DOCK2: variants seen among roughly 807,000 people sequenced by gnomAD.
DOCK2 encodes the protein dedicator of cytokinesis protein 2.
Under a neutral mutation model 248.9 loss-of-function variants are expected in DOCK2, and 87 were observed. That is an observed-to-expected ratio of 0.35 (90% CI 0.29 to 0.42). DOCK2 has a LOEUF of 0.42. Among genes scored for constraint, DOCK2 ranks in the 10% least tolerant of loss-of-function variants. The pLI, the probability that DOCK2 is intolerant of heterozygous loss-of-function variation, is 1.00. For missense variants in DOCK2, 1,747 were observed against 2,300.2 expected, an observed-to-expected ratio of 0.76 and a Z score of 4.92; for synonymous variants, 805 against 821.6, an observed-to-expected ratio of 0.98 and a Z score of 0.35.
intron 25 of DOCK2, among the ~76,000 whole-genome samples, chr5:169,777,873 G>A (rs1322247899): frequency 6.6e-6 from 1 of 152,206 alleles, no homozygotes; most frequent in Non-Finnish European, 1.5e-5. Flanking sequence ...GGTACAACTG[G>A]AAGTCAGGAG....
rs551529381 is a variant in DOCK2 at position 169,768,846 on chromosome 5, G to A, written c.2554+7221G>A. Among the ~76,000 whole-genome samples, 31 of 152,224 alleles carry A rather than the reference G, an allele frequency of 2.0e-4. No homozygotes were observed. In the South Asian group the frequency reaches 6.2e-3, roughly 31 times the overall value. On this transcript the variant is annotated intron_variant, in intron 25 of 51. Transcript: ENST00000520908. ...CAAAATTCAGTTCATTGCATATAGTGCCTGGAATACCTTCTACTGCCTCCC... is the reference window on the plus strand; with the variant it reads ...CAAAATTCAGTTCATTGCATATAGTACCTGGAATACCTTCTACTGCCTCCC...
rs760893067 is a variant in DOCK2 at position 170,034,474 on chromosome 5, C to T, written c.3543C>T (p.Leu1181=). Residue 1181 remains leucine, a synonymous_variant, in exon 35 of 52, where the codon CTC becomes CTT. Coordinates refer to ENST00000520908, the MANE Select transcript of DOCK2 (RefSeq NM_004946.3). ...ACTTCGTGAACCTGGTCAAAGGCCT[C>T]CTGGAGAAGCTGCTGGATTACCGGG... ...VENFVNLVKG[L]LEKLLDYRGV... 1.9e-6 allele frequency: 3 copies of T among 1,614,170 alleles called. No homozygotes were observed. In the Admixed American group the frequency reaches 5.0e-5, roughly 27 times the overall value.
At chr5:169,836,361 T>C (rs947027214) in intron 26 of DOCK2, among the ~76,000 whole-genome samples, 2 of 152,174 alleles carry the variant, frequency 1.3e-5, no homozygotes, top group Non-Finnish European at 2.9e-5. Context: ...AGGTAAATTT[T>C]CTCCAGAGTA....
chr5:169,855,609 G>C (rs1235935675), intron 27 of DOCK2, among the ~76,000 whole-genome samples: 1 of 152,212 alleles, frequency 6.6e-6, no homozygotes, highest in African/African-American at 2.4e-5. Context: ...GCAGCTGTGA[G>C]GGGGTGGAAA....
At chr5:169,891,153 C>T (rs1214229875) in intron 27 of DOCK2, among the ~76,000 whole-genome samples, 4 of 152,130 alleles carry the variant, frequency 2.6e-5, no homozygotes, top group Admixed American at 1.3e-4. Context: ...GATTCATTCT[C>T]ATCATCTGGC....
At chr5:169,871,878 A>G (rs1772000945) in intron 27 of DOCK2, among the ~76,000 whole-genome samples, 1 of 152,200 alleles carries the variant, frequency 6.6e-6, no homozygotes, top group Non-Finnish European at 1.5e-5. Flanking sequence ...GGGAGGCTGC[A>G]TACCCAAAAA....
intron 27 of DOCK2, among the ~76,000 whole-genome samples, chr5:169,870,571 T>C (rs1398172830): frequency 6.6e-6 from 1 of 152,088 alleles, no homozygotes; most frequent in Non-Finnish European, 1.5e-5. Context: ...CTGTGGGTTT[T>C]TTTCTTCTTT....
intron 9 of DOCK2, among the ~76,000 whole-genome samples, chr5:169,691,641 C>T (rs546734133): frequency 3.3e-5 from 5 of 151,988 alleles, no homozygotes; most frequent in Non-Finnish European, 7.4e-5. Context: ...GTTGAGGTGA[C>T]GTTTAAATTA....
intron 27 of DOCK2, among the ~76,000 whole-genome samples, chr5:169,890,769 A>G (rs1047784591): frequency 1.4e-4 from 21 of 152,204 alleles, no homozygotes; most frequent in Admixed American, 2.0e-4. Context: ...TCTTGTTCTC[A>G]TCTTTCTATA....
chr5:170,048,744 G>A (rs1006043604), intron 40 of DOCK2, among the ~76,000 whole-genome samples: 5 of 152,196 alleles, frequency 3.3e-5, no homozygotes, highest in African/African-American at 1.2e-4. Flanking sequence ...AACCTCAAGT[G>A]TCCCTGGAGC....
intron 2 of DOCK2, among the ~76,000 whole-genome samples, chr5:169,657,814 C>A (rs1758207539): frequency 6.6e-6 from 1 of 152,174 alleles, no homozygotes; most frequent in African/African-American, 2.4e-5. Flanking sequence ...AATGATTGGC[C>A]AGTCCACTGT....
chr5:169,865,012 C>T (rs138938074), intron 27 of DOCK2, among the ~76,000 whole-genome samples: 7 of 152,214 alleles, frequency 4.6e-5, no homozygotes, highest in Non-Finnish European at 1.5e-5. Context: ...CTATCATCAT[C>T]ATCATTAACA....
At chr5:169,957,950 GGAGTAGGGCGTCAGGA>G (rs1292706354) in intron 27 of DOCK2, among the ~76,000 whole-genome samples, 1 of 152,216 alleles carries the variant, frequency 6.6e-6, no homozygotes, top group African/African-American at 2.4e-5. Context: ...CCACTGCGAG[GGAGTAGGGCGTCAGGA>G]GAGGTCCTAC....
At chr5:169,810,054 G>T (rs261019) in intron 26 of DOCK2, among the ~76,000 whole-genome samples, 16,808 of 152,066 alleles carry the variant, frequency 0.11, 1,111 homozygotes, top group African/African-American at 0.17. Context: ...AGATCTTGCT[G>T]CTCTACCCCC....
At chr5:169,658,479 CA>C (rs5873187) in intron 2 of DOCK2, among the ~76,000 whole-genome samples, 5,172 of 75,814 alleles carry the variant, frequency 0.068, 59 homozygotes, top group African/African-American at 0.095. Context: ...GCCTCCGTCT[CA>C]AAAAAAAAAA....
At chr5:169,978,391 G>GT (rs1281745829) in intron 27 of DOCK2, among the ~76,000 whole-genome samples, 3 of 45,122 alleles carry the variant, frequency 6.6e-5, no homozygotes, top group African/African-American at 2.0e-4. Context: ...GTGTGTGTGT[G>GT]TGGGGGGGGG....
At chr5:169,810,981 T>TCACACACACACA (rs1246188439) in intron 26 of DOCK2, among the ~76,000 whole-genome samples, 149 of 142,116 alleles carry the variant, frequency 1.0e-3, no homozygotes, top group African/African-American at 3.8e-3. Flanking sequence ...ACTCTCTCTC[T>TCACACACACACA]CTCTCTCTCA....
At chr5:170,020,581 C>T (rs996439502) in intron 33 of DOCK2, among the ~76,000 whole-genome samples, 3 of 152,212 alleles carry the variant, frequency 2.0e-5, no homozygotes, top group Admixed American at 1.3e-4. Context: ...GTAACATTAT[C>T]TTATCTTACC....
intron 46 of DOCK2, among the ~76,000 whole-genome samples, chr5:170,069,724 C>T (rs973970246): frequency 6.6e-6 from 1 of 152,132 alleles, no homozygotes; most frequent in Non-Finnish European, 1.5e-5. Flanking sequence ...GTCAAAGGGT[C>T]TACATCCCAC....
Sources: gnomAD v4.1 joint callset for allele counts (sites outside exome capture counted in the v4.1 genomes callset) on GRCh38, gnomAD v4.1.1 for gene constraint, MANE v1.5 for transcripts, NCBI Gene and HGNC (gene_info 2026-07-23, HGNC 2026-07-21) for gene names.